The following NOP9 variants were observed in gnomAD, a reference collection of about 807,000 sequenced individuals.
NOP9 encodes the protein NOP9 nucleolar protein, also known as nucleolar protein 9.
NOP9 carries 50 observed loss-of-function variants against 63.0 expected under a neutral mutation model. The ratio of observed to expected loss-of-function variants is 0.79; its 90% CI spans 0.63 to 1.00. NOP9 has a LOEUF of 1.00. NOP9 is among the 50% of genes least tolerant of loss of function. The pLI, the probability that NOP9 is intolerant of heterozygous loss-of-function variation, is 0.00. For synonymous variants in NOP9, 343 were observed against 332.8 expected (o/e 1.03, Z -0.33); for missense variants, 758 against 803.0 (o/e 0.94, Z 0.68).
the NOP9 span, among the ~76,000 whole-genome samples, chr14:24,280,509 T>C: frequency 6.6e-6 from 1 of 152,200 alleles, no homozygotes; most frequent in Non-Finnish European, 1.5e-5. Context: ...GGGGACTCAT[T>C]TGACTGCATT....
At chr14:24,297,688 T>C (rs2041276212), upstream of NOP9, among the ~76,000 whole-genome samples, 1 of 152,116 alleles carries the variant, frequency 6.6e-6, no homozygotes, top group South Asian at 2.1e-4. Flanking sequence ...ATTAGGGTCT[T>C]CCAAGACCCA....
the NOP9 span, among the ~76,000 whole-genome samples, chr14:24,286,916 G>A: frequency 1.3e-5 from 2 of 151,546 alleles, no homozygotes; most frequent in South Asian, 4.2e-4. Context: ...TTTAGACAGA[G>A]TCTTGCTCTG....
Position 24,299,928 on chromosome 14 carries a change from T to G in NOP9, c.-27T>G. The G allele has an allele frequency of 6.6e-7, 1 of 1,514,640 alleles. No individual in the cohort carries two copies. The highest frequency in any genetic ancestry group is 8.8e-7 in the Non-Finnish European group (1 of 1,132,850). The allele number at this position is 1,514,640 out of a possible 1,614,324, so 93.8% of individuals were successfully genotyped here. ...GTCCGTCCGCAGTTAAGGAAGCTTT[T>G]GCAGCCGGACAGGTCGCGAAGCACA... On this transcript the variant is annotated 5_prime_UTR_variant, in exon 1 of 10. Coordinates refer to ENST00000267425, the MANE Select transcript of NOP9 (RefSeq NM_174913.3).
At position 24,300,010 on chromosome 14, in the gene NOP9, GC is replaced by G. The variant is rs746685746; in HGVS notation, c.57del (p.Lys20AsnfsTer38). The G allele has an allele frequency of 6.2e-7, 1 of 1,600,974 alleles. No individual in the cohort carries two copies. The highest frequency in any genetic ancestry group is 8.5e-7 in the Non-Finnish European group (1 of 1,172,982). On this transcript the variant is annotated frameshift_variant, in exon 1 of 10. Coordinates refer to ENST00000267425, the MANE Select transcript of NOP9 (RefSeq NM_174913.3). LOFTEE classifies it high-confidence loss of function. ...GTGGGGCGCCGGTTCCCAGCTGGTGGCAAACGGGGGCGCGGGGCCAAGGGGT... is the reference window on the plus strand; with the variant it reads ...GTGGGGCGCCGGTTCCCAGCTGGTGGAAACGGGGGCGCGGGGCCAAGGGGT... ...HKVGRRFPAG[G>X]KRGRGAKGSG...
Position 24,308,214 on chromosome 14 carries a change from G to T in NOP9, c.*3119G>T, listed in dbSNP as rs1426555532. ...TATTTCTATGGAGGGAATTTCTGGG[G>T]ACGGTTTCTGGCTCTCAGGCTCTGA... On this transcript the variant is annotated 3_prime_UTR_variant, in exon 10 of 10. Transcript: ENST00000267425. The T allele has an allele frequency of 6.4e-6, 2 of 310,484 alleles. No individual in the cohort carries two copies. Among genetic ancestry groups the T allele is most frequent in the Non-Finnish European group, 6.2e-6 (1 of 161,926 alleles). 19.2% of individuals were successfully genotyped at this position (310,484 alleles called of 1,614,324 possible).
the NOP9 span, among the ~76,000 whole-genome samples, chr14:24,288,410 C>T: frequency 2.5e-4 from 38 of 151,814 alleles, no homozygotes; most frequent in Non-Finnish European, 4.6e-4. Flanking sequence ...AGTGCAGTGG[C>T]GCAATCTCTG....
rs969648976 is a variant in NOP9, at chr14:24,307,521, A to G, written c.*2426A>G. ...AGCTTATATTAGATACTGACCTGGTAGTTGAGAAGAAAAGTCAAGAAGGGG... is the reference window on the plus strand; with the variant it reads ...AGCTTATATTAGATACTGACCTGGTGGTTGAGAAGAAAAGTCAAGAAGGGG... On this transcript the variant is annotated 3_prime_UTR_variant, in exon 10 of 10. Transcript: ENST00000267425. 1.9e-6 allele frequency: 3 copies of G among 1,612,036 alleles called. No individual in the cohort carries two copies. Among genetic ancestry groups the G allele is most frequent in the Non-Finnish European group, 2.5e-6 (3 of 1,178,760 alleles).
chr14:24,273,541 G>C, the NOP9 span, among the ~76,000 whole-genome samples: 1 of 152,208 alleles, frequency 6.6e-6, no homozygotes, highest in Non-Finnish European at 1.5e-5. Context: ...TATGTAAAGT[G>C]TCCATTATAT....
At chr14:24,277,011 C>G in the NOP9 span, among the ~76,000 whole-genome samples, 1 of 152,090 alleles carries the variant, frequency 6.6e-6, no homozygotes, top group Non-Finnish European at 1.5e-5. Context: ...CTGGCAGAAC[C>G]TAGAATCCAC....
chr14:24,300,974 T>G, intron 2 of NOP9, 117 bp downstream of exon 2: 1 of 836,676 alleles, frequency 1.2e-6, no homozygotes, highest in Non-Finnish European at 1.9e-6. Context: ...AAGAATTAGC[T>G]TGACCTGTCC....
Position 24,308,182 on chromosome 14 carries a change from G to GT in NOP9, c.*3094dup. The GT allele has an allele frequency of 1.1e-5, 4 of 372,832 alleles. No homozygotes were observed. Among genetic ancestry groups the GT allele is most frequent in the South Asian group, 2.9e-5 (1 of 34,264 alleles). The allele number at this position is 372,832 out of a possible 1,614,324, so 23.1% of individuals were successfully genotyped here. A position where few individuals can be genotyped will look rare whatever the true frequency, so the allele number is the denominator to read the frequency against. ...AAAAGGATGAAATGTGACTTCTGGT[G>GT]TTTTTTTATTTCTATGGAGGGAATT... On this transcript the variant is annotated 3_prime_UTR_variant, in exon 10 of 10. Transcript: ENST00000267425.
chr14:24,291,266 G>A, the NOP9 span: 1 of 1,593,506 alleles, frequency 6.3e-7, no homozygotes, highest in Non-Finnish European at 8.6e-7. Flanking sequence ...GGAGTATGCA[G>A]AGTGACAAGG....
Position 24,300,593 on chromosome 14 carries a change from G to A in NOP9, c.433G>A (p.Val145Ile), listed in dbSNP as rs747289896. 1.2e-6 allele frequency: 2 copies of A among 1,614,082 alleles called. No homozygotes were observed. Among genetic ancestry groups the A allele is most frequent in the Non-Finnish European group, 1.7e-6 (2 of 1,180,052 alleles). Reference sequence around the variant, plus strand: ...GGCCTGTCACCGATGCGGGGTCCATGTATTACAAAGTGCTTTGCTACAGCT... The same window carrying A: ...GGCCTGTCACCGATGCGGGGTCCATATATTACAAAGTGCTTTGCTACAGCT... ...TVACHRCGVH[V>I]LQSALLQLPR... The change falls in exon 2 of 10, where the codon GTA becomes ATA. Residue 145 changes from valine (V) to isoleucine (I), a missense_variant. By Grantham distance (29) the Val-to-Ile change is conservative (BLOSUM62 3). Coordinates refer to ENST00000267425, the MANE Select transcript of NOP9 (RefSeq NM_174913.3).
the NOP9 span, among the ~76,000 whole-genome samples, chr14:24,273,625 C>A: frequency 6.6e-6 from 1 of 152,170 alleles, no homozygotes; most frequent in Non-Finnish European, 1.5e-5. Context: ...ATTTGTAGTC[C>A]CAGTGAGGAA....
At chr14:24,302,500 T>C in intron 5 of NOP9, 76 bp downstream of exon 5, 3 of 1,368,370 alleles carry the variant, frequency 2.2e-6, no homozygotes, top group Non-Finnish European at 3.0e-6. Flanking sequence ...TCTGTCTGCC[T>C]CTATATACCT....
At chr14:24,295,857 A>T (rs12896386), upstream of NOP9, among the ~76,000 whole-genome samples, 60,640 of 152,106 alleles carry the variant, frequency 0.4, 13,235 homozygotes, top group Middle Eastern at 0.58. Context: ...ATTTGCCGAT[A>T]ATCTCGTGGT....
the NOP9 span, among the ~76,000 whole-genome samples, chr14:24,281,544 G>T: frequency 6.6e-6 from 1 of 152,222 alleles, no homozygotes; most frequent in African/African-American, 2.4e-5. Flanking sequence ...CCAGGAAATG[G>T]ATGAAGACAT....
At chr14:24,291,754 C>T in the NOP9 span, 1 of 921,446 alleles carries the variant, frequency 1.1e-6, no homozygotes, top group Non-Finnish European at 1.8e-6. Flanking sequence ...TCAAGCAGGG[C>T]CTGTAGGACC....
intron 1 of NOP9, 51 bp downstream of exon 1, chr14:24,300,252 CA>C: frequency 6.3e-7 from 1 of 1,598,098 alleles, no homozygotes; most frequent in Non-Finnish European, 8.6e-7. Context: ...CCAGGGCAGG[CA>C]AGGAAACTTT....
Sources: allele counts gnomAD v4.1 joint callset (sites outside exome capture counted in the v4.1 genomes callset), GRCh38; gene constraint gnomAD v4.1.1; transcripts MANE v1.5; gene names NCBI Gene and HGNC (gene_info 2026-07-23, HGNC 2026-07-21).